CTNNA2: variants seen among roughly 807,000 people sequenced by gnomAD.
CTNNA2 encodes catenin alpha 2, also known as catenin alpha-2.
CTNNA2 carries 42 observed loss-of-function variants against 101.0 expected under a neutral mutation model. That is an observed-to-expected ratio of 0.42 (90% confidence interval 0.32 to 0.54). The LOEUF (loss-of-function observed/expected upper bound fraction) is 0.54, where lower values mean the gene tolerates loss of function less well. Among genes scored for constraint, CTNNA2 ranks in the 20% least tolerant of loss-of-function variants. CTNNA2 has a pLI of 0.14. For missense variants in CTNNA2, 871 were observed against 1,223.1 expected (o/e 0.71, Z 4.29); for synonymous variants, 450 against 456.4 (o/e 0.99, Z 0.18).
At chr2:79,706,714 A>T (rs1225453813) in intron 2 of CTNNA2, among the ~76,000 whole-genome samples, 1 of 152,152 alleles carries the variant, frequency 6.6e-6, no homozygotes, top group Non-Finnish European at 1.5e-5. Context: ...GGGACTTGAA[A>T]GTATAAGAAA....
At chr2:80,305,156 T>A (rs1338569920) in intron 7 of CTNNA2, 1 of 985,240 alleles carries the variant, frequency 1.0e-6, no homozygotes, top group African/African-American at 1.7e-5. Context: ...AAGGCAATGA[T>A]TTGGGGCTTG....
intron 7 of CTNNA2, among the ~76,000 whole-genome samples, chr2:80,052,715 T>C (rs957093033): frequency 6.6e-6 from 1 of 152,222 alleles, no homozygotes; most frequent in Admixed American, 6.5e-5. Context: ...GTAGAAGTCT[T>C]TGTTGACCTA....
intron 12 of CTNNA2, among the ~76,000 whole-genome samples, chr2:80,558,055 T>C (rs1693201181): frequency 6.6e-6 from 1 of 152,180 alleles, no homozygotes; most frequent in African/African-American, 2.4e-5. Context: ...GACATTTAAA[T>C]TCTACTTTTC....
At chr2:79,594,034 G>A (rs1261363757) in intron 1 of CTNNA2, among the ~76,000 whole-genome samples, 2 of 151,268 alleles carry the variant, frequency 1.3e-5, no homozygotes, top group Admixed American at 1.3e-4. Flanking sequence ...GATTATAGGC[G>A]ACCACCACCA....
At chr2:80,360,098 C>T (rs1439131863) in intron 7 of CTNNA2, among the ~76,000 whole-genome samples, 2 of 152,086 alleles carry the variant, frequency 1.3e-5, no homozygotes, top group African/African-American at 4.8e-5. Flanking sequence ...TGGTCTTAAA[C>T]ACCTCTCATT....
chr2:80,534,628 T>C (rs1005571853), intron 9 of CTNNA2, among the ~76,000 whole-genome samples: 1 of 152,180 alleles, frequency 6.6e-6, no homozygotes, highest in South Asian at 2.1e-4. Flanking sequence ...TTTGCACTTG[T>C]GGTTTATAGA....
intron 7 of CTNNA2, among the ~76,000 whole-genome samples, chr2:79,996,974 G>A (rs527821260): frequency 2.0e-5 from 3 of 152,194 alleles, no homozygotes; most frequent in South Asian, 2.1e-4. Flanking sequence ...GTGCCCTAGC[G>A]GATGGGAAAG....
At chr2:80,175,824 G>A (rs1705359781) in intron 7 of CTNNA2, among the ~76,000 whole-genome samples, 1 of 152,204 alleles carries the variant, frequency 6.6e-6, no homozygotes, top group Non-Finnish European at 1.5e-5. Flanking sequence ...GCAAGCCACT[G>A]GTTTAGTTGT....
chr2:79,544,860 A>C (rs1673636146), intron 1 of CTNNA2, among the ~76,000 whole-genome samples: 1 of 152,124 alleles, frequency 6.6e-6, no homozygotes, highest in East Asian at 1.9e-4. Context: ...TGGAAGAGGA[A>C]GCAAGCAACT....
chr2:79,433,520 A>G (rs932176593), intron 4 of CTNNA2, among the ~76,000 whole-genome samples: 12 of 151,824 alleles, frequency 7.9e-5, no homozygotes, highest in East Asian at 3.9e-4. Flanking sequence ...CTCCTATGAA[A>G]ATGTTTCAGT....
intron 9 of CTNNA2, among the ~76,000 whole-genome samples, chr2:80,529,375 A>T (rs1165721700): frequency 6.6e-6 from 1 of 152,206 alleles, no homozygotes; most frequent in Admixed American, 6.5e-5. Context: ...ACCAATGGAA[A>T]AGTATATCTA....
intron 7 of CTNNA2, among the ~76,000 whole-genome samples, chr2:80,131,726 T>C (rs1702425677): frequency 6.6e-6 from 1 of 152,158 alleles, no homozygotes; most frequent in South Asian, 2.1e-4. Context: ...GTACATACAT[T>C]CTCTCACATG....
chr2:79,354,403 G>C (rs1308826714), intron 3 of CTNNA2, among the ~76,000 whole-genome samples: 1 of 151,978 alleles, frequency 6.6e-6, no homozygotes, highest in East Asian at 1.9e-4. Context: ...ATTTTTGTCT[G>C]ATGGCATTGA....
chr2:79,342,686 G>C (rs556506365), intron 3 of CTNNA2, among the ~76,000 whole-genome samples: 4 of 152,230 alleles, frequency 2.6e-5, no homozygotes, highest in Non-Finnish European at 4.4e-5. Context: ...TATTAAGATT[G>C]GTTTATAGTC....
chr2:79,259,239 T>TA (rs1210065268), intron 2 of CTNNA2, among the ~76,000 whole-genome samples: 1 of 152,186 alleles, frequency 6.6e-6, no homozygotes, highest in Non-Finnish European at 1.5e-5. Flanking sequence ...CCCTGTTGCT[T>TA]AGATTCCTGA....
At chr2:80,352,238 T>C (rs1673368369) in intron 7 of CTNNA2, among the ~76,000 whole-genome samples, 1 of 152,248 alleles carries the variant, frequency 6.6e-6, no homozygotes, top group South Asian at 2.1e-4. Context: ...ATCTGAAAAT[T>C]TGCATGCTGA....
intron 2 of CTNNA2, among the ~76,000 whole-genome samples, chr2:79,712,669 G>C (rs1423054767): frequency 1.3e-5 from 2 of 152,106 alleles, no homozygotes; most frequent in South Asian, 2.1e-4. Context: ...AAAAATTATA[G>C]TCAGGTAAAG....
intron 3 of CTNNA2, among the ~76,000 whole-genome samples, chr2:79,845,228 A>G (rs903259278): frequency 5.8e-5 from 7 of 121,574 alleles, no homozygotes; most frequent in African/African-American, 2.0e-4. Flanking sequence ...GCATTTCTCT[A>G]TAGTTGTTCT....
intron 3 of CTNNA2, among the ~76,000 whole-genome samples, chr2:79,358,141 A>T (rs1276126937): frequency 6.6e-6 from 1 of 151,764 alleles, no homozygotes; most frequent in Non-Finnish European, 1.5e-5. Context: ...AAAACCTTTG[A>T]GCTTGTTGAT....
Sources: gnomAD v4.1 joint callset for allele counts (sites outside exome capture counted in the v4.1 genomes callset) on GRCh38, gnomAD v4.1.1 for gene constraint, MANE v1.5 for transcripts, NCBI Gene and HGNC (gene_info 2026-07-23, HGNC 2026-07-21) for gene names.